NDUFA10: variants seen among roughly 807,000 people sequenced by gnomAD.
NDUFA10 encodes the protein NADH dehydrogenase [ubiquinone] 1 alpha subcomplex subunit 10, mitochondrial.
In NDUFA10, 40 loss-of-function variants were observed where a neutral mutation model predicts 47.8. The ratio of observed to expected loss-of-function variants is 0.84; its 90% CI spans 0.65 to 1.09. NDUFA10 has a LOEUF of 1.09. Ranked by LOEUF, NDUFA10 falls within the 50% of genes least tolerant of loss-of-function variation. NDUFA10 has a pLI of 0.00. For synonymous variants in NDUFA10, 183 were observed against 172.2 expected (o/e 1.06, Z -0.49); for missense variants, 413 against 451.1 (o/e 0.92, Z 0.76).
intron 5 of NDUFA10, 44 bp from the exon 6 acceptor site, chr2:240,011,740 C>A (rs372665918): frequency 5.5e-4 from 833 of 1,501,032 alleles, no homozygotes; most frequent in Non-Finnish European, 7.5e-4. Flanking sequence ...ATTTAGAGTT[C>A]ATTCTCTTTG....
At chr2:239,997,537 G>A (rs951790878) in intron 8 of NDUFA10, among the ~76,000 whole-genome samples, 1 of 152,134 alleles carries the variant, frequency 6.6e-6, no homozygotes, top group Non-Finnish European at 1.5e-5. Flanking sequence ...ATATTCCGGA[G>A]AATCATTTTG....
intron 4 of NDUFA10, among the ~76,000 whole-genome samples, chr2:239,903,901 T>C (rs1412337354): frequency 6.6e-6 from 1 of 152,172 alleles, no homozygotes; most frequent in African/African-American, 2.4e-5. Context: ...CTTTGTGTCA[T>C]TGAGATCAGG....
intron 4 of NDUFA10, among the ~76,000 whole-genome samples, chr2:239,913,708 A>C (rs754000415): frequency 2.4e-4 from 36 of 152,182 alleles, no homozygotes; most frequent in Non-Finnish European, 4.7e-4. Flanking sequence ...AAATTGTAGT[A>C]TTCAACCATG....
chr2:240,019,636 G>A lies in NDUFA10; in HGVS notation c.461-997C>T, dbSNP rs1316397921. 5.4e-5 allele frequency among the ~76,000 whole-genome samples: 2 copies of A among 37,314 alleles called. 1 individual carries two copies. The highest frequency in any genetic ancestry group is 2.0e-4 in the African/African-American group (2 of 9,888). 24.5% of individuals were successfully genotyped at this position (37,314 alleles called of 152,430 possible). A position where few individuals can be genotyped will look rare whatever the true frequency, so the allele number is the denominator to read the frequency against. On this transcript the variant is annotated intron_variant, in intron 3 of 9. Transcript: ENST00000252711. ...GATCGAGACCATCCCGGCTAAAACG[G>A]TGAAACCCCGTCTCTACTAAAAATA...
At position 240,021,140 on chromosome 2, in the gene NDUFA10, G is replaced by A. The variant is rs1405337203; in HGVS notation, c.460+57C>T. 4.1e-6 allele frequency: 6 copies of A among 1,470,212 alleles called. No individual in the cohort carries two copies. The African/African-American group carries it at 4.2e-5, about 10-fold the overall frequency. 91.1% of individuals were successfully genotyped at this position (1,470,212 alleles called of 1,614,324 possible). ...GACTCAGTGGCAATTTAACGTGGTT[G>A]AATTCTAGAATAGTGTTCAAGTACA... On this transcript the variant is annotated intron_variant, in intron 3 of 9. Transcript: ENST00000252711.
At position 239,957,664 on chromosome 2, in the gene NDUFA10, C is replaced by T. The variant is rs1220819323; in HGVS notation, c.*3454G>A. 6.6e-6 allele frequency: 1 copy of T among 152,224 alleles called. No homozygotes were observed. The highest frequency in any genetic ancestry group is 2.4e-5 in the African/African-American group (1 of 41,436). 9.4% of individuals were successfully genotyped at this position (152,224 alleles called of 1,614,324 possible). Reference sequence around the variant, plus strand: ...AACCCTTAAATCAGCCTCCTTCAAGCAAGCGCAGCCAGCGTGAGCCAGGGG... The same window carrying T: ...AACCCTTAAATCAGCCTCCTTCAAGTAAGCGCAGCCAGCGTGAGCCAGGGG... On this transcript the variant is annotated 3_prime_UTR_variant, in exon 10 of 10. Coordinates refer to ENST00000252711, the MANE Select transcript of NDUFA10 (RefSeq NM_004544.4).
At chr2:239,907,578 G>A (rs1000898830) in intron 4 of NDUFA10, among the ~76,000 whole-genome samples, 3 of 152,178 alleles carry the variant, frequency 2.0e-5, no homozygotes, top group Non-Finnish European at 4.4e-5. Context: ...CCATCAAAAA[G>A]TGGGCGAAGG....
At position 239,957,631 on chromosome 2, in the gene NDUFA10, CCT is replaced by C. The variant is rs1694693732; in HGVS notation, c.*3485_*3486del. ...AAAATTTGACAGTTTCATTTGTCTT[CCT>C]ATTAGAACCCTTAAATCAGCCTCCT... On this transcript the variant is annotated 3_prime_UTR_variant, in exon 10 of 10. Coordinates refer to ENST00000252711, the MANE Select transcript of NDUFA10 (RefSeq NM_004544.4). 1 of 152,230 alleles carries C rather than the reference CCT, an allele frequency of 6.6e-6. No homozygotes were observed. Among genetic ancestry groups the C allele is most frequent in the African/African-American group, 2.4e-5 (1 of 41,450 alleles). The allele number at this position is 152,230 out of a possible 1,614,324, so 9.4% of individuals were successfully genotyped here. A position where few individuals can be genotyped will look rare whatever the true frequency, so the allele number is the denominator to read the frequency against.
chr2:240,004,759 G>A (rs553430491), intron 8 of NDUFA10, among the ~76,000 whole-genome samples: 15 of 152,130 alleles, frequency 9.9e-5, no homozygotes, highest in East Asian at 1.9e-4. Flanking sequence ...CTCACCCCAC[G>A]GCCCACAGGA....
At chr2:239,933,894 G>C (rs1160806525) in intron 4 of NDUFA10, among the ~76,000 whole-genome samples, 1 of 152,146 alleles carries the variant, frequency 6.6e-6, no homozygotes, top group Non-Finnish European at 1.5e-5. Flanking sequence ...GTCTCACTCT[G>C]TCACCCAGGC....
chr2:239,916,170 TACTC>T (rs144286736), intron 4 of NDUFA10, among the ~76,000 whole-genome samples: 8,519 of 136,584 alleles, frequency 0.062, 308 homozygotes, highest in East Asian at 0.12. Context: ...CACACAGAGA[TACTC>T]ACACAAACAT....
rs1330652851 is a variant in NDUFA10 at position 240,022,167 on chromosome 2, C to T, written c.244+5G>A. On this transcript the variant is annotated splice_donor_5th_base_variant and intron_variant, in intron 2 of 9. Transcript: ENST00000252711. ...GGTATCATTCTGTGTAACATAAAAT[C>T]ATACCTAGTTTCTCTGCTATTTCTT... 1.9e-6 allele frequency: 3 copies of T among 1,604,580 alleles called. No individual in the cohort carries two copies. The highest frequency in any genetic ancestry group is 2.2e-5 in the East Asian group (1 of 44,816).
At chr2:240,013,724 T>C (rs545176991) in intron 5 of NDUFA10, 11 of 152,168 alleles carry the variant, frequency 7.2e-5, no homozygotes, top group Non-Finnish European at 1.6e-4. Context: ...AGCTTTACTG[T>C]TGCCCTGACA....
intron 4 of NDUFA10, among the ~76,000 whole-genome samples, chr2:239,911,680 C>CATGTGTGTGT (rs533634813): frequency 6.7e-6 from 1 of 149,734 alleles, no homozygotes; most frequent in South Asian, 2.1e-4. Flanking sequence ...AGTGTGTGTG[C>CATGTGTGTGT]GTGTGTGTGT....
rs1032690061 is a variant in NDUFA10 at position 239,960,238 on chromosome 2, A to G, written c.*880T>C. ...CAGTTCAGTAGGACTCACAACTGACAGCTTGATTCCTAAACCATGATGCTG... is the reference window on the plus strand; with the variant it reads ...CAGTTCAGTAGGACTCACAACTGACGGCTTGATTCCTAAACCATGATGCTG... On this transcript the variant is annotated 3_prime_UTR_variant, in exon 10 of 10. Transcript: ENST00000252711. 1.0e-6 allele frequency: 1 copy of G among 985,596 alleles called. No individual in the cohort carries two copies. The highest frequency in any genetic ancestry group is 1.2e-6 in the Non-Finnish European group (1 of 830,040). The allele number at this position is 985,596 out of a possible 1,614,324, so 61.1% of individuals were successfully genotyped here.
chr2:239,942,552 G>A (rs76870024), intron 4 of NDUFA10, among the ~76,000 whole-genome samples: 12,694 of 152,242 alleles, frequency 0.083, 636 homozygotes, highest in Admixed American at 0.14. Flanking sequence ...AGTCTTATAC[G>A]TTGTTGACAT....
chr2:240,023,413 A>G (rs557987899), intron 1 of NDUFA10, among the ~76,000 whole-genome samples: 1 of 152,366 alleles, frequency 6.6e-6, no homozygotes, highest in Non-Finnish European at 1.5e-5. Context: ...AAATAATTTA[A>G]AAAATGATTA....
chr2:240,004,022 T>C (rs2106468259), intron 8 of NDUFA10, among the ~76,000 whole-genome samples: 1 of 152,200 alleles, frequency 6.6e-6, no homozygotes, highest in Middle Eastern at 3.4e-3. Flanking sequence ...GAAACTGAAT[T>C]CAACGGACGA....
chr2:239,989,168 T>C (rs557567489), intron 9 of NDUFA10, among the ~76,000 whole-genome samples: 16 of 152,360 alleles, frequency 1.1e-4, no homozygotes, highest in South Asian at 6.2e-4. Flanking sequence ...TATGGTTTTA[T>C]GTGTTTTCCC....
Sources: gnomAD v4.1 joint callset for allele counts (sites outside exome capture counted in the v4.1 genomes callset) on GRCh38, gnomAD v4.1.1 for gene constraint, MANE v1.5 for transcripts, NCBI Gene and HGNC (gene_info 2026-07-23, HGNC 2026-07-21) for gene names.